The following MEIOSIN variants were observed in gnomAD, a reference collection of about 807,000 sequenced individuals.
The protein encoded by MEIOSIN is meiosis initiator protein.
In MEIOSIN, 18 loss-of-function variants were observed where a neutral mutation model predicts 23.4. The observed-to-expected ratio is 0.77, with a 90% CI of 0.53 to 1.14. The LOEUF (loss-of-function observed/expected upper bound fraction) is 1.14. Among genes scored for constraint, MEIOSIN ranks in the 50% most tolerant of loss-of-function variants. The probability of loss-of-function intolerance (pLI) is 0.00; values close to 1 mark genes in which losing one functional copy is unlikely to be tolerated. For synonymous variants in MEIOSIN, 187 were observed against 100.6 expected (o/e 1.86, Z -5.14); for missense variants, 428 against 242.9 (o/e 1.76, Z -5.07).
In MEIOSIN at chr19:45,764,073, G is replaced by A; in HGVS notation, c.1872G>A (p.Gln624=). The A allele has an allele frequency of 2.5e-6, 1 of 398,648 alleles. No homozygotes were observed. Among genetic ancestry groups the A allele is most frequent in the Non-Finnish European group, 4.4e-6 (1 of 226,064 alleles). The allele number at this position is 398,648 out of a possible 1,614,324, so 24.7% of individuals were successfully genotyped here. The change falls in exon 15 of 15, where the codon CAG becomes CAA. Residue 624 remains glutamine, a synonymous_variant. Coordinates refer to ENST00000457052, the MANE Select transcript of MEIOSIN (RefSeq NM_001310124.2). ...GGGAGACGCCAAAGCCCTTCTACCAGCTGCTGGCCGAGAAGGCCTTGCCGC... is the reference window on the plus strand; with the variant it reads ...GGGAGACGCCAAAGCCCTTCTACCAACTGCTGGCCGAGAAGGCCTTGCCGC... ...EDWETPKPFY[Q]LLAEKALPLP...
rs770440554 is a variant in MEIOSIN at position 45,753,687 on chromosome 19, G to T, written c.455G>T (p.Arg152Leu). 1.6e-5 allele frequency: 11 copies of T among 702,914 alleles called. No homozygotes were observed. The highest frequency in any genetic ancestry group is 1.5e-4 in the South Asian group (10 of 67,594). The allele number at this position is 702,914 out of a possible 1,614,324, so 43.5% of individuals were successfully genotyped here. A position where few individuals can be genotyped will look rare whatever the true frequency, so the allele number is the denominator to read the frequency against. ...GQKPAWGPARRRRHSTPSSSP... is the reference protein window; with the variant it reads ...GQKPAWGPARLRRHSTPSSSP... ...AAACCAGCCTGGGGCCCAGCCAGGC[G>T]GAGGAGACACTCTACCCCCTCCAGC... The change falls in exon 6 of 15, where the codon CGG becomes CTG. Residue 152 changes from arginine to leucine, a missense_variant. By Grantham distance (102) the Arg-to-Leu change is moderately radical (BLOSUM62 -2). Transcript: ENST00000457052.
At chr19:45,749,834 C>T (rs1415961259) in intron 4 of MEIOSIN, among the ~76,000 whole-genome samples, 2 of 151,402 alleles carry the variant, frequency 1.3e-5, no homozygotes, top group African/African-American at 4.8e-5. Context: ...GAAACCCCGT[C>T]TCTACTAAAA....
At chr19:45,758,443 A>G (rs967679071) in intron 9 of MEIOSIN, among the ~76,000 whole-genome samples, 6 of 149,490 alleles carry the variant, frequency 4.0e-5, no homozygotes, top group African/African-American at 1.5e-4. Context: ...TTTTTTTTAA[A>G]TTTTGAGACA....
chr19:45,758,141 G>T (rs1968867401), intron 9 of MEIOSIN, among the ~76,000 whole-genome samples: 1 of 151,766 alleles, frequency 6.6e-6, no homozygotes, highest in African/African-American at 2.4e-5. Context: ...TTACAGGTGT[G>T]CACCACCACG....
At chr19:45,752,903 CAG>C (rs1968741327) in intron 5 of MEIOSIN, among the ~76,000 whole-genome samples, 1 of 149,594 alleles carries the variant, frequency 6.7e-6, no homozygotes, top group South Asian at 2.1e-4. Flanking sequence ...AGCTCTTACT[CAG>C]ATAGTTTCTT....
rs547398847 is a variant in MEIOSIN at position 45,752,696 on chromosome 19, C to T, written c.419-955C>T. Among the ~76,000 whole-genome samples the T allele has an allele frequency of 6.6e-5, 10 of 152,008 alleles. 1 individual carries two copies. The East Asian group carries it at 1.4e-3, about 21-fold the overall frequency. On this transcript the variant is annotated intron_variant, in intron 5 of 14. Transcript: ENST00000457052. Reference sequence around the variant, plus strand: ...CACATTTAATCGTCAGGACAAATACCGAAGGGAAAAGCTAATGTGGTCCTG... The same window carrying T: ...CACATTTAATCGTCAGGACAAATACTGAAGGGAAAAGCTAATGTGGTCCTG...
chr19:45,740,531 A>G (rs930726942), intron 3 of MEIOSIN, among the ~76,000 whole-genome samples: 1 of 152,118 alleles, frequency 6.6e-6, no homozygotes, highest in Non-Finnish European at 1.5e-5. Context: ...CGGATAGATC[A>G]CGAGGTCAGG....
intron 2 of MEIOSIN, 88 bp from the exon 3 acceptor site, chr19:45,739,538 C>T: frequency 1.2e-5 from 8 of 691,946 alleles, no homozygotes; most frequent in South Asian, 1.1e-4. Context: ...GAAGAGAAAA[C>T]ATCTTTCTAA....
At chr19:45,761,423 A>ATTTTTT (rs35838022) in intron 11 of MEIOSIN, among the ~76,000 whole-genome samples, 4 of 59,800 alleles carry the variant, frequency 6.7e-5, no homozygotes, top group Non-Finnish European at 5.9e-5. Flanking sequence ...CGCCTGGCCT[A>ATTTTTT]TTTTTTTTTT....
At position 45,734,921 on chromosome 19, in the gene MEIOSIN, TCTCA is replaced by T. The variant is rs1384977236; in HGVS notation, c.1-452_1-449del. Among the ~76,000 whole-genome samples the T allele has an allele frequency of 1.8e-4, 27 of 152,066 alleles. No individual in the cohort carries two copies. The East Asian group carries it at 5.2e-3, about 29-fold the overall frequency. ...TTTGTTTTTGTTTTTTGAGACACAGTCTCACTCTGTTGTCCAGGCTGGAGTGCAG... is the reference window on the plus strand; with the variant it reads ...TTTGTTTTTGTTTTTTGAGACACAGTCTCTGTTGTCCAGGCTGGAGTGCAG... On this transcript the variant is annotated intron_variant, in intron 1 of 14. Transcript: ENST00000457052.
chr19:45,745,340 A>G lies in MEIOSIN; in HGVS notation c.306+19A>G. ...CACAAAGGTACAGGGACTAGAGGAG[A>G]GGGGCCAGATTTGGGACGCAGGTCT... On this transcript the variant is annotated intron_variant, in intron 4 of 14. Transcript: ENST00000457052. The G allele has an allele frequency of 2.9e-6, 2 of 697,338 alleles. No individual in the cohort carries two copies. Among genetic ancestry groups the G allele is most frequent in the Non-Finnish European group, 5.2e-6 (2 of 382,552 alleles). 43.2% of individuals were successfully genotyped at this position (697,338 alleles called of 1,614,324 possible). A position where few individuals can be genotyped will look rare whatever the true frequency, so the allele number is the denominator to read the frequency against.
At chr19:45,759,584 C>T in intron 11 of MEIOSIN, 94 bp downstream of exon 11, 1 of 673,928 alleles carries the variant, frequency 1.5e-6, no homozygotes, top group Non-Finnish European at 2.7e-6. Context: ...CTCCCTCACC[C>T]TTTCAGCCAC....
chr19:45,754,627 G>A lies in MEIOSIN; in HGVS notation c.705G>A (p.Arg235=). 1 of 703,090 alleles carries A rather than the reference G, an allele frequency of 1.4e-6. No individual in the cohort carries two copies. Among genetic ancestry groups the A allele is most frequent in the South Asian group, 1.5e-5 (1 of 67,602 alleles). The allele number at this position is 703,090 out of a possible 1,614,324, so 43.6% of individuals were successfully genotyped here. ...GCCCTGACTCCTGCGGTCACCCGAG[G>A]CCTGCATCATCCTCACCTCCAGGTG... ...PRCPDSCGHP[R]PASSSPPGDR... is the part of the protein sequence containing the mutation. Residue 235 remains arginine (R), a synonymous_variant, in exon 7 of 15, where the codon AGG becomes AGA. Coordinates refer to ENST00000457052, the MANE Select transcript of MEIOSIN (RefSeq NM_001310124.2).
intron 5 of MEIOSIN, among the ~76,000 whole-genome samples, chr19:45,752,587 A>C (rs1313718582): frequency 6.6e-6 from 1 of 151,900 alleles, no homozygotes; most frequent in Non-Finnish European, 1.5e-5. Flanking sequence ...CCCTGGGCTT[A>C]AGCAATTCTC....
At chr19:45,740,749 CAATAATAAT>C (rs201482275) in intron 3 of MEIOSIN, among the ~76,000 whole-genome samples, 46,865 of 139,780 alleles carry the variant, frequency 0.34, 7,985 homozygotes, top group African/African-American at 0.38. Context: ...GACTCCATCT[CAATAATAAT>C]AATAATAATA....
chr19:45,751,991 C>T (rs1451238508), intron 5 of MEIOSIN, among the ~76,000 whole-genome samples: 1 of 151,052 alleles, frequency 6.6e-6, no homozygotes, highest in African/African-American at 2.4e-5. Flanking sequence ...CCTTGGCCTC[C>T]CAAAGTGCTG....
chr19:45,751,182 GA>G (rs1239361664), intron 5 of MEIOSIN, among the ~76,000 whole-genome samples: 2 of 151,762 alleles, frequency 1.3e-5, no homozygotes, highest in African/African-American at 2.4e-5. Flanking sequence ...TGAGGCAGGA[GA>G]ATCACTTGAA....
chr19:45,738,095 A>G (rs1968439095), intron 2 of MEIOSIN, among the ~76,000 whole-genome samples: 1 of 152,160 alleles, frequency 6.6e-6, no homozygotes, highest in Non-Finnish European at 1.5e-5. Context: ...TCCATCAAGC[A>G]CTTACCAAGT....
intron 4 of MEIOSIN, among the ~76,000 whole-genome samples, chr19:45,749,201 T>C (rs1168592257): frequency 6.6e-6 from 1 of 151,366 alleles, no homozygotes; most frequent in African/African-American, 2.4e-5. Context: ...CGAAACCTCA[T>C]CTCGATAAAA....
Sources: allele counts gnomAD v4.1 joint callset (sites outside exome capture counted in the v4.1 genomes callset), GRCh38; gene constraint gnomAD v4.1.1; transcripts MANE v1.5; gene names NCBI Gene and HGNC (gene_info 2026-07-23, HGNC 2026-07-21).